TAFA2: variants seen among roughly 807,000 people sequenced by gnomAD.
TAFA2 encodes chemokine-like protein TAFA-2.
Under a neutral mutation model 18.8 loss-of-function variants are expected in TAFA2, and 7 were observed. That is an observed-to-expected ratio of 0.37 (90% CI 0.21 to 0.70). TAFA2 has a LOEUF of 0.70. Ranked by LOEUF, TAFA2 falls within the 30% of genes least tolerant of loss-of-function variation. The pLI is 0.53. For missense variants in TAFA2, 122 were observed against 158.1 expected (o/e 0.77, Z 1.23); for synonymous variants, 60 against 54.2 (o/e 1.11, Z -0.47).
intron 1 of TAFA2, among the ~76,000 whole-genome samples, chr12:62,225,687 G>A (rs2062783138): frequency 6.6e-6 from 1 of 152,022 alleles, no homozygotes; most frequent in South Asian, 2.1e-4. Context: ...ACATTTTATA[G>A]AAAAGGACAT....
intron 2 of TAFA2, among the ~76,000 whole-genome samples, chr12:61,784,398 G>A (rs556552163): frequency 6.6e-6 from 1 of 151,610 alleles, no homozygotes; most frequent in East Asian, 2.0e-4. Context: ...AAGGTGTGAG[G>A]CATAATCCAT....
intron 2 of TAFA2, among the ~76,000 whole-genome samples, chr12:61,780,336 T>C (rs1592383800): frequency 6.6e-6 from 1 of 151,762 alleles, no homozygotes. Context: ...GTAGACAGCA[T>C]GGAGGTATAA....
intron 1 of TAFA2, among the ~76,000 whole-genome samples, chr12:62,054,963 A>G (rs1882149190): frequency 1.3e-5 from 2 of 152,238 alleles, no homozygotes; most frequent in Admixed American, 1.3e-4. Flanking sequence ...CTAGATCACT[A>G]TTGCTATAGA....
chr12:61,979,147 A>G (rs1343367958), intron 1 of TAFA2, among the ~76,000 whole-genome samples: 1 of 152,098 alleles, frequency 6.6e-6, no homozygotes, highest in Non-Finnish European at 1.5e-5. Flanking sequence ...ATAACCACTA[A>G]AATAAAGTCT....
intron 1 of TAFA2, among the ~76,000 whole-genome samples, chr12:62,233,573 C>T (rs1470555295): frequency 6.6e-6 from 1 of 152,202 alleles, no homozygotes; most frequent in African/African-American, 2.4e-5. Flanking sequence ...GCAATCTGGT[C>T]TGCTGACCCT....
At chr12:62,109,536 T>C (rs1192764533) in intron 1 of TAFA2, among the ~76,000 whole-genome samples, 1 of 152,226 alleles carries the variant, frequency 6.6e-6, no homozygotes, top group East Asian at 1.9e-4. Flanking sequence ...GGTAGCTTGA[T>C]GGGGATAACA....
At chr12:62,009,064 T>C (rs1221664414) in intron 1 of TAFA2, among the ~76,000 whole-genome samples, 3 of 152,178 alleles carry the variant, frequency 2.0e-5, no homozygotes, top group Non-Finnish European at 4.4e-5. Flanking sequence ...TTTTAGCCCA[T>C]GTAAGTCATT....
chr12:62,038,980 G>A (rs144180051), intron 1 of TAFA2, among the ~76,000 whole-genome samples: 1 of 152,002 alleles, frequency 6.6e-6, no homozygotes, highest in Admixed American at 6.6e-5. Context: ...GCTCATTACT[G>A]CATTGCTCCT....
intron 1 of TAFA2, among the ~76,000 whole-genome samples, chr12:62,003,565 C>T (rs907861824): frequency 6.6e-6 from 1 of 152,186 alleles, no homozygotes; most frequent in Non-Finnish European, 1.5e-5. Flanking sequence ...AACCCATCCA[C>T]CTCAGCCTGG....
At position 61,970,113 on chromosome 12, in the gene TAFA2, C is replaced by A. The variant is rs181456481; in HGVS notation, c.-1-102687G>T. Among the ~76,000 whole-genome samples the A allele has an allele frequency of 2.6e-5, 4 of 151,666 alleles. No individual in the cohort carries two copies. In the East Asian group the frequency reaches 7.8e-4, roughly 30 times the overall value. On this transcript the variant is annotated intron_variant, in intron 1 of 4. Transcript: ENST00000416284. ...ACCCAGTTGTATACCAAATTCATGT[C>A]TTCATTCTTTAAAATATATAAATTG...
chr12:62,115,285 A>G (rs1304976735), intron 1 of TAFA2, among the ~76,000 whole-genome samples: 1 of 152,038 alleles, frequency 6.6e-6, no homozygotes, highest in Non-Finnish European at 1.5e-5. Flanking sequence ...CCACTTTCCA[A>G]GTGTATGTAT....
At chr12:62,131,273 T>A (rs1459751977) in intron 1 of TAFA2, among the ~76,000 whole-genome samples, 1 of 152,014 alleles carries the variant, frequency 6.6e-6, no homozygotes, top group Admixed American at 6.6e-5. Context: ...GGACTCTGGG[T>A]GGCATCCACA....
intron 1 of TAFA2, among the ~76,000 whole-genome samples, chr12:62,251,752 A>C (rs1215580044): frequency 6.6e-6 from 1 of 152,198 alleles, no homozygotes; most frequent in African/African-American, 2.4e-5. Context: ...AAAACCCTAC[A>C]TCAATTAGTT....
At chr12:62,201,643 T>C (rs1231942331) in intron 1 of TAFA2, among the ~76,000 whole-genome samples, 1 of 152,206 alleles carries the variant, frequency 6.6e-6, no homozygotes, top group Non-Finnish European at 1.5e-5. Context: ...GATTTGCCAG[T>C]TGAGGATTTT....
At chr12:62,143,069 C>A (rs954963164) in intron 1 of TAFA2, among the ~76,000 whole-genome samples, 1 of 152,156 alleles carries the variant, frequency 6.6e-6, no homozygotes, top group Non-Finnish European at 1.5e-5. Context: ...CCCCTCCATA[C>A]CTGCCTTTCC....
chr12:61,729,355 C>T (rs1713674292), intron 4 of TAFA2, among the ~76,000 whole-genome samples: 1 of 151,764 alleles, frequency 6.6e-6, no homozygotes, highest in African/African-American at 2.4e-5. Flanking sequence ...CTTGGGAACA[C>T]CAATTATTCT....
chr12:61,797,390 A>AG (rs1265344201), intron 2 of TAFA2, among the ~76,000 whole-genome samples: 3 of 152,146 alleles, frequency 2.0e-5, no homozygotes, highest in African/African-American at 7.2e-5. Flanking sequence ...AGCATTCTCT[A>AG]GGGAGCTTTG....
chr12:61,944,119 G>A (rs1162054311), intron 1 of TAFA2, among the ~76,000 whole-genome samples: 2 of 131,956 alleles, frequency 1.5e-5, no homozygotes, highest in African/African-American at 3.0e-5. Context: ...AGACCACAGT[G>A]CAATCAAACT....
At chr12:62,123,781 T>TACACACACACACACAC (rs71083977) in intron 1 of TAFA2, among the ~76,000 whole-genome samples, 2,840 of 132,732 alleles carry the variant, frequency 0.021, 147 homozygotes, top group African/African-American at 0.075. Context: ...ACCACACACA[T>TACACACACACACACAC]ACACACACAC....
Sources: allele counts gnomAD v4.1 joint callset (sites outside exome capture counted in the v4.1 genomes callset), GRCh38; gene constraint gnomAD v4.1.1; transcripts MANE v1.5; gene names NCBI Gene and HGNC (gene_info 2026-07-23, HGNC 2026-07-21).